The following CUX2 variants were observed in gnomAD, a reference collection of about 807,000 sequenced individuals.
CUX2 encodes the protein homeobox protein cut-like 2.
Under a neutral mutation model 144.8 loss-of-function variants are expected in CUX2, and 40 were observed. That is an observed-to-expected ratio of 0.28 (90% CI 0.21 to 0.36). The LOEUF is 0.36. CUX2 is among the 10% of genes least tolerant of loss of function. CUX2 has a pLI of 1.00. For synonymous variants in CUX2, 827 were observed against 875.6 expected, an observed-to-expected ratio of 0.94 and a Z score of 0.98; for missense variants, 1,615 against 1,994.0, an observed-to-expected ratio of 0.81 and a Z score of 3.62.
At chr12:111,318,988 C>G (rs1356990721) in intron 16 of CUX2, among the ~76,000 whole-genome samples, 1 of 152,102 alleles carries the variant, frequency 6.6e-6, no homozygotes, top group African/African-American at 2.4e-5. Flanking sequence ...TTGATCCATT[C>G]TCTGCATGGG....
chr12:111,056,595 T>C (rs1301846061), intron 1 of CUX2, among the ~76,000 whole-genome samples: 1 of 152,120 alleles, frequency 6.6e-6, no homozygotes, highest in Non-Finnish European at 1.5e-5. Context: ...AGTGCAGGTG[T>C]TTTCATGCTC....
In CUX2 at chr12:111,320,234, C is replaced by T. The variant is rs1409922333; in HGVS notation, c.2225C>T (p.Pro742Leu). 6.4e-7 allele frequency: 1 copy of T among 1,573,216 alleles called. No individual in the cohort carries two copies. Among genetic ancestry groups the T allele is most frequent in the Non-Finnish European group, 8.6e-7 (1 of 1,167,642 alleles). The change falls in exon 17 of 22, where the codon CCG (proline) becomes CTG (leucine). Residue 742 changes from proline to leucine, a missense_variant. By Grantham distance (98) the Pro-to-Leu change is moderately conservative (BLOSUM62 -3). Transcript: ENST00000261726. This position sits in a 1 kb window ranked among gnomAD's most constrained non-coding sequence, Gnocchi z 8.1. ...SLATASQNGA[P>L]ALVKQEEGSG... ...GCCACCGCGAGCCAGAACGGGGCCC[C>T]GGCCTTGGTGAAGCAGGAGGAGGGC...
chr12:111,156,784 C>A (rs747414303), intron 1 of CUX2, among the ~76,000 whole-genome samples: 2 of 152,026 alleles, frequency 1.3e-5, no homozygotes, highest in Non-Finnish European at 2.9e-5. Flanking sequence ...TCCAGACCAG[C>A]CTGACCAAAA....
In CUX2 at chr12:111,308,460, G is replaced by A; in HGVS notation, c.1192G>A (p.Ala398Thr). 1 of 1,614,144 alleles carries A rather than the reference G, an allele frequency of 6.2e-7. No individual in the cohort carries two copies. The highest frequency in any genetic ancestry group is 8.5e-7 in the Non-Finnish European group (1 of 1,180,016). ...MAKPEDSLLI[A>T]KEAFFPTQKF... is the part of the protein sequence containing the mutation. ...CAAGCCTGAAGACTCACTGCTTATT[G>A]CAAAGGAGGCCTTCTTCCCCACGCA... is the stretch of plus-strand genomic sequence containing the variant. The change falls in exon 14 of 22, where the codon GCA becomes ACA. Residue 398 changes from alanine to threonine, a missense_variant. Ala to Thr is a moderately conservative substitution (Grantham distance 58, BLOSUM62 0). Around this residue, in one of 12 missense-constraint regions of CUX2, gnomAD observed 57 missense variants for 60.8 expected, o/e 0.94. Transcript: ENST00000261726.
At position 111,331,300 on chromosome 12, in the gene CUX2, G is replaced by A. The variant is rs112037646; in HGVS notation, c.2927-3141G>A. On this transcript the variant is annotated intron_variant, in intron 18 of 21. Coordinates refer to ENST00000261726, the MANE Select transcript of CUX2 (RefSeq NM_015267.4). The stretch of plus-strand genomic sequence containing the variant: ...GGATGTCTCTTCTGAAAGTAAAGCC[G>A]TTGCTCCCTTTTCTTCCAGCTGTCA... Among the ~76,000 whole-genome samples the A allele has an allele frequency of 4.6e-3, 699 of 152,224 alleles. 4 individuals are homozygous for A. The highest frequency in any genetic ancestry group is 0.016 in the African/African-American group (650 of 41,532).
At chr12:111,196,997 A>T (rs78956545) in intron 1 of CUX2, among the ~76,000 whole-genome samples, 1,868 of 152,260 alleles carry the variant, frequency 0.012, 45 homozygotes, top group African/African-American at 0.043. Context: ...GATGGTGCTC[A>T]GTGACTCAGA....
chr12:111,310,480 G>A lies in CUX2; in HGVS notation c.1698G>A (p.Leu566=), dbSNP rs773305017. ...AEIAFQVKEQ[L]LKHNIGQRVF... The stretch of plus-strand genomic sequence containing the variant: ...TCGCCTTCCAGGTGAAGGAGCAGCT[G>A]CTGAAACACAACATCGGGCAGCGGG... Residue 566 remains leucine (L), a synonymous_variant, in exon 15 of 22, where the codon CTG becomes CTA. Coordinates refer to ENST00000261726, the MANE Select transcript of CUX2 (RefSeq NM_015267.4). The surrounding 1 kb of genome is among the most constrained non-coding windows in gnomAD (Gnocchi z 7.9). 1.3e-5 allele frequency: 21 copies of A among 1,613,790 alleles called. No homozygotes were observed. The highest frequency in any genetic ancestry group is 1.7e-5 in the Admixed American group (1 of 60,018).
chr12:111,255,524 A>C lies in CUX2; in HGVS notation c.223-8237A>C, dbSNP rs1883775003. Among the ~76,000 whole-genome samples, 1 of 152,060 alleles carries C rather than the reference A, an allele frequency of 6.6e-6. No homozygotes were observed. The highest frequency in any genetic ancestry group is 2.1e-4 in the South Asian group (1 of 4,824). ...CCTGGCTCCTCCAGCTCTTTTGGTT[A>C]TTCCAGGTGCTTCCACCAGCCCCCA... On this transcript the variant is annotated intron_variant, in intron 3 of 21. Transcript: ENST00000261726. The surrounding 1 kb of genome is among the most constrained non-coding windows in gnomAD (Gnocchi z 4.1).
intron 20 of CUX2, among the ~76,000 whole-genome samples, chr12:111,339,210 C>T (rs61944364): frequency 0.016 from 2,386 of 151,648 alleles, 67 homozygotes; most frequent in South Asian, 0.028. Context: ...CCACCCTGGG[C>T]GACAGAACGA....
Position 111,347,867 on chromosome 12 carries a change from C to G in CUX2, c.4003C>G (p.Pro1335Ala). ...QGPPKEEHPD[P>A]PGNDGLPKVA... is the part of the protein sequence containing the mutation. ...TCCCCCCAAAGAGGAGCATCCCGAC[C>G]CTCCGGGTAATGATGGACTCCCAAA... The change falls in exon 22 of 22, where the codon CCT (proline) becomes GCT (alanine). Residue 1335 changes from proline to alanine, a missense_variant. Physicochemically the swap from Pro to Ala is conservative, Grantham distance 27. Around this residue, in one of 12 missense-constraint regions of CUX2, gnomAD observed 298 missense variants for 330.4 expected, o/e 0.90. Transcript: ENST00000261726. 6.2e-7 allele frequency: 1 copy of G among 1,614,112 alleles called. No homozygotes were observed. The highest frequency in any genetic ancestry group is 8.5e-7 in the Non-Finnish European group (1 of 1,180,030).
rs2136021276 is a variant in CUX2 at position 111,061,704 on chromosome 12, G to A, written c.63+27464G>A. ...TTTTACCTGCCCGATGTTCTGTGAA[G>A]TGAGTGGGTCACTCTCCCCTCAGCC... On this transcript the variant is annotated intron_variant, in intron 1 of 21. Coordinates refer to ENST00000261726, the MANE Select transcript of CUX2 (RefSeq NM_015267.4). This position sits in a 1 kb window ranked among gnomAD's most constrained non-coding sequence, Gnocchi z 4.2. Among the ~76,000 whole-genome samples the A allele has an allele frequency of 6.6e-6, 1 of 152,308 alleles. No individual in the cohort carries two copies. The highest frequency in any genetic ancestry group is 2.1e-4 in the South Asian group (1 of 4,830).
At chr12:111,112,315 T>C (rs1365845581) in intron 1 of CUX2, among the ~76,000 whole-genome samples, 1 of 152,196 alleles carries the variant, frequency 6.6e-6, no homozygotes, top group Non-Finnish European at 1.5e-5. Flanking sequence ...ATTTGCCTCA[T>C]ATTGCAAAGA....
In CUX2 at chr12:111,320,559, C is replaced by G; in HGVS notation, c.2550C>G (p.Gly850=). The G allele has an allele frequency of 6.5e-7, 1 of 1,534,470 alleles. No homozygotes were observed. Among genetic ancestry groups the G allele is most frequent in the Non-Finnish European group, 8.7e-7 (1 of 1,148,644 alleles). Residue 850 remains glycine, a synonymous_variant, in exon 17 of 22, where the codon GGC becomes GGG. Coordinates refer to ENST00000261726, the MANE Select transcript of CUX2 (RefSeq NM_015267.4). The surrounding 1 kb of genome is among the most constrained non-coding windows in gnomAD (Gnocchi z 8.1). ...CGGAGGACGAACCCCCCAGGACGGG[C>G]GAGCTCAAGGCTGAGGGCGCGACGG... ...AGAEDEPPRT[G]ELKAEGATAE... is the part of the protein sequence containing the mutation.
intron 18 of CUX2, among the ~76,000 whole-genome samples, chr12:111,324,497 G>GTTTTGT (rs1287186314): frequency 6.6e-6 from 1 of 150,892 alleles, no homozygotes; most frequent in Non-Finnish European, 1.5e-5. Context: ...TTTTTGTTTT[G>GTTTTGT]TTTTGTTTTT....
At chr12:111,139,076 G>A (rs1287285064) in intron 1 of CUX2, among the ~76,000 whole-genome samples, 1 of 151,500 alleles carries the variant, frequency 6.6e-6, no homozygotes, top group Non-Finnish European at 1.5e-5. Flanking sequence ...CTACAGGCCC[G>A]TCTTTGATCG....
Position 111,153,491 on chromosome 12 carries a change from T to C in CUX2, c.64-60709T>C, listed in dbSNP as rs113422787. ...ACCACAAACCTGAACATCATGCAAC[T>C]GCACTGAACACCCTAGGCACTTGTA... On this transcript the variant is annotated intron_variant, in intron 1 of 21. Transcript: ENST00000261726. Among the ~76,000 whole-genome samples the C allele has an allele frequency of 8.5e-3, 1,301 of 152,310 alleles. 28 individuals carry two copies. The highest frequency in any genetic ancestry group is 0.03 in the African/African-American group (1,250 of 41,564).
intron 1 of CUX2, among the ~76,000 whole-genome samples, chr12:111,065,114 G>C (rs1280499529): frequency 6.6e-6 from 1 of 152,206 alleles, no homozygotes; most frequent in African/African-American, 2.4e-5. Context: ...TGGTAGGCTT[G>C]TATCTCTGTG....
chr12:111,090,609 G>A (rs1872502695), intron 1 of CUX2, among the ~76,000 whole-genome samples: 1 of 152,084 alleles, frequency 6.6e-6, no homozygotes, highest in South Asian at 2.1e-4. Context: ...GTAAAACAGA[G>A]GTGATTTCCA....
chr12:111,223,000 C>T (rs553119889), intron 3 of CUX2, among the ~76,000 whole-genome samples: 2 of 152,272 alleles, frequency 1.3e-5, no homozygotes, highest in South Asian at 2.1e-4. Flanking sequence ...ACCCAGTGGT[C>T]ACCTCGCCTC....
Sources: gnomAD v4.1 joint callset for allele counts (sites outside exome capture counted in the v4.1 genomes callset) on GRCh38, gnomAD v4.1.1 for gene constraint, gnomAD v4.1.1 regional missense constraint, Gnocchi (gnomAD v3.1) non-coding constraint, MANE v1.5 for transcripts, NCBI Gene and HGNC (gene_info 2026-07-23, HGNC 2026-07-21) for gene names.